TOP3B: variants seen among roughly 807,000 people sequenced by gnomAD.
TOP3B encodes DNA topoisomerase 3-beta-1.
Under a neutral mutation model 93.9 loss-of-function variants are expected in TOP3B, and 45 were observed. That is an observed-to-expected ratio of 0.48 (90% CI 0.38 to 0.61). The LOEUF (loss-of-function observed/expected upper bound fraction) is 0.61. Ranked by LOEUF, TOP3B falls within the 20% of genes least tolerant of loss-of-function variation. The probability of loss-of-function intolerance (pLI) is 0.00; values close to 1 mark genes in which losing one functional copy is unlikely to be tolerated. For synonymous variants in TOP3B, 357 were observed against 472.6 expected, an observed-to-expected ratio of 0.76 and a Z score of 3.17; for missense variants, 750 against 1,156.1, an observed-to-expected ratio of 0.65 and a Z score of 5.09.
In TOP3B at chr22:21,965,465, T is replaced by C. The variant is rs2071380784; in HGVS notation, c.853-90A>G. 4 of 704,910 alleles carry C rather than the reference T, an allele frequency of 5.7e-6. No individual in the cohort carries two copies. The African/African-American group carries it at 7.4e-5, about 13-fold the overall frequency. The allele number at this position is 704,910 out of a possible 1,614,324, so 43.7% of individuals were successfully genotyped here. ...TGTGTGGACGAAGGGTCTGGTTTCA[T>C]TCATCTGGTCTCCCTGTTTCTCCAA... On this transcript the variant is annotated intron_variant, in intron 8 of 17. Coordinates refer to ENST00000357179, the MANE Select transcript of TOP3B (RefSeq NM_001282112.2).
rs2071509309 is a variant in TOP3B, at chr22:21,968,655, G to A, written c.702C>T (p.Ser234=). ...GCACCCAGTAGGTCTCTGGTTTGAAGGACTGGATTTTATCATGTCTCTCCA... is the reference window on the plus strand; with the variant it reads ...GCACCCAGTAGGTCTCTGGTTTGAAAGACTGGATTTTATCATGTCTCTCCA... ...FCVERHDKIQ[S]FKPETYWVLQ... The change falls in exon 7 of 18, where the codon TCC becomes TCT. Residue 234 remains serine, a synonymous_variant. Coordinates refer to ENST00000357179, the MANE Select transcript of TOP3B (RefSeq NM_001282112.2). 1.9e-6 allele frequency: 3 copies of A among 1,614,086 alleles called. No homozygotes were observed. The highest frequency in any genetic ancestry group is 1.7e-5 in the Admixed American group (1 of 60,012).
At chr22:21,980,455 G>A (rs2084605681) in intron 1 of TOP3B, among the ~76,000 whole-genome samples, 2 of 152,180 alleles carry the variant, frequency 1.3e-5, no homozygotes, top group Non-Finnish European at 2.9e-5. Flanking sequence ...GTCCAAGGTC[G>A]GCCTTGGGCT....
chr22:21,975,910 G>T (rs2071850425), intron 1 of TOP3B, 103 bp from the exon 2 acceptor site: 1 of 754,758 alleles, frequency 1.3e-6, no homozygotes, highest in Non-Finnish European at 1.8e-6. Flanking sequence ...CCAACCTGAG[G>T]CAAGAAGAAG....
intron 7 of TOP3B, 33 bp from the exon 8 acceptor site, chr22:21,967,749 A>G (rs2071471329): frequency 6.4e-7 from 1 of 1,572,632 alleles, no homozygotes; most frequent in Non-Finnish European, 8.7e-7. Flanking sequence ...TGAACGCACA[A>G]GAAAAAGTCT....
At chr22:21,975,148 G>A (rs919636208) in intron 2 of TOP3B, 1 of 153,730 alleles carries the variant, frequency 6.5e-6, no homozygotes, top group Admixed American at 6.5e-5. Context: ...GGCCAGAGTT[G>A]GGGGTGAGTG....
chr22:21,959,748 C>T lies in TOP3B; in HGVS notation c.1655-12G>A. On this transcript the variant is annotated splice_polypyrimidine_tract_variant and intron_variant, in intron 14 of 17. Transcript: ENST00000357179. The stretch of plus-strand genomic sequence containing the variant: ...CACCAGCTCTGCATCTGCAAGTGGG[C>T]AGGGGGCAGATATTGCCCTGAGCAC... 1.2e-6 allele frequency: 2 copies of T among 1,610,908 alleles called. No homozygotes were observed. The highest frequency in any genetic ancestry group is 1.7e-6 in the Non-Finnish European group (2 of 1,178,924).
In TOP3B at chr22:21,971,520, A is replaced by ATGCTGGTCTTGGGTTGAT. The variant is rs1001540421; in HGVS notation, c.384+356_384+357insATCAACCCAAGACCAGCA. ...TCAGTGCTGAGGTCGGGAATCAACCAGCATCAACCCAAGGTCCCTGAGAAG... is the reference window on the plus strand; with the variant it reads ...TCAGTGCTGAGGTCGGGAATCAACCATGCTGGTCTTGGGTTGATGCATCAACCCAAGGTCCCTGAGAAG... On this transcript the variant is annotated intron_variant, in intron 5 of 17. Coordinates refer to ENST00000357179, the MANE Select transcript of TOP3B (RefSeq NM_001282112.2). This position sits in a 1 kb window ranked among gnomAD's most constrained non-coding sequence, Gnocchi z 4.6. 1 of 361,164 alleles carries ATGCTGGTCTTGGGTTGAT rather than the reference A, an allele frequency of 2.8e-6. No homozygotes were observed. The highest frequency in any genetic ancestry group is 5.4e-6 in the Non-Finnish European group (1 of 185,532). The allele number at this position is 361,164 out of a possible 1,614,324, so 22.4% of individuals were successfully genotyped here.
At chr22:21,958,809 C>T (rs1461435488) in intron 16 of TOP3B, 116 bp from the exon 17 acceptor site, 36 of 1,421,624 alleles carry the variant, frequency 2.5e-5, no homozygotes, top group Admixed American at 1.1e-4. Flanking sequence ...CTGTGACACA[C>T]TGCCAGGCAA....
chr22:21,970,869 G>T lies in TOP3B; in HGVS notation c.385-463C>A. The T allele has an allele frequency of 3.9e-6, 2 of 516,638 alleles. No individual in the cohort carries two copies. Among genetic ancestry groups the T allele is most frequent in the South Asian group, 2.9e-5 (1 of 34,144 alleles). The allele number at this position is 516,638 out of a possible 1,614,324, so 32.0% of individuals were successfully genotyped here. On this transcript the variant is annotated intron_variant, in intron 5 of 17. Transcript: ENST00000357179. The surrounding 1 kb of genome is among the most constrained non-coding windows in gnomAD (Gnocchi z 4.4). ...GAAGAAAAGACAGGGAAGGAAAAAA[G>T]AATGAAGGGGAAAGGAAATGGGCAA...
rs148850039 is a variant in TOP3B at position 21,968,745 on chromosome 22, G to A, written c.612C>T (p.Tyr204=). The change falls in exon 7 of 18, where the codon TAC becomes TAT. Residue 204 remains tyrosine, a synonymous_variant. Transcript: ENST00000357179. ...AGATGAGAGAGCTGTCTAAATCACC[G>A]TATTTCCCCTGGAAATATTTAGTCT... The part of the protein sequence containing the change: ...RFQTKYFQGK[Y]GDLDSSLISF... 1.1e-5 allele frequency: 17 copies of A among 1,614,162 alleles called. No homozygotes were observed. The highest frequency in any genetic ancestry group is 6.7e-5 in the African/African-American group (5 of 75,038).
intron 15 of TOP3B, 151 bp downstream of exon 15, chr22:21,959,436 C>T (rs1206091927): frequency 1.3e-6 from 2 of 1,500,312 alleles, no homozygotes; most frequent in East Asian, 4.6e-5. Flanking sequence ...GCTCTTTCAA[C>T]CCAGCCAGGA....
intron 17 of TOP3B, 29 bp downstream of exon 17, chr22:21,958,463 T>C (rs2071021457): frequency 1.9e-6 from 3 of 1,613,620 alleles, no homozygotes; most frequent in Non-Finnish European, 2.5e-6. Flanking sequence ...TGCAGCTACC[T>C]GTGGACAGGA....
chr22:21,981,049 A>G (rs374544785), intron 1 of TOP3B, among the ~76,000 whole-genome samples: 1 of 152,356 alleles, frequency 6.6e-6, no homozygotes. Flanking sequence ...CAGAGGCCAA[A>G]AGGGAAAACT....
Position 21,982,757 on chromosome 22 carries a change from G to A in TOP3B, c.-126C>T, listed in dbSNP as rs566068167. ...ACAGCCGCACCGCGGATCCAGCTCCGGTCCTTGTTCCCGGGGCGGCTACCG... is the reference window on the plus strand; with the variant it reads ...ACAGCCGCACCGCGGATCCAGCTCCAGTCCTTGTTCCCGGGGCGGCTACCG... On this transcript the variant is annotated 5_prime_UTR_variant, in exon 1 of 18. Transcript: ENST00000357179. The A allele has an allele frequency of 3.3e-5, 5 of 152,368 alleles. No individual in the cohort carries two copies. The highest frequency in any genetic ancestry group is 1.9e-4 in the East Asian group (1 of 5,178). The allele number at this position is 152,368 out of a possible 1,614,324, so 9.4% of individuals were successfully genotyped here. A position where few individuals can be genotyped will look rare whatever the true frequency, so the allele number is the denominator to read the frequency against.
In TOP3B at chr22:21,968,733, G is replaced by A. The variant is rs771354427; in HGVS notation, c.624C>T (p.Asp208=). ...KYFQGKYGDL[D]SSLISFGPCQ... ...ACGGCCCAAAGGAGATGAGAGAGCT[G>A]TCTAAATCACCGTATTTCCCCTGGA... The change falls in exon 7 of 18, where the codon GAC becomes GAT. Residue 208 remains aspartate (D), a synonymous_variant. Transcript: ENST00000357179. 1 of 1,614,202 alleles carries A rather than the reference G, an allele frequency of 6.2e-7. No individual in the cohort carries two copies. Among genetic ancestry groups the A allele is most frequent in the Admixed American group, 1.7e-5 (1 of 60,026 alleles).
chr22:21,958,728 C>T (rs2145825293), intron 16 of TOP3B, 35 bp from the exon 17 acceptor site: 5 of 1,560,418 alleles, frequency 3.2e-6, no homozygotes, highest in East Asian at 4.6e-5. Flanking sequence ...GTGAGGGTCA[C>T]TGGGGCCACC....
chr22:21,959,406 T>C (rs1176792763), intron 15 of TOP3B, 174 bp from the exon 16 acceptor site: 4 of 1,486,256 alleles, frequency 2.7e-6, no homozygotes, highest in African/African-American at 2.8e-5. Context: ...TTCCTGGCCA[T>C]GTGTGGTGTT....
chr22:21,975,987 A>C, intron 1 of TOP3B, 180 bp from the exon 2 acceptor site: 1 of 274,738 alleles, frequency 3.6e-6, no homozygotes, highest in Non-Finnish European at 6.6e-6. Flanking sequence ...CTACCAGGTC[A>C]GCTGAAGTGG....
At chr22:21,961,920 T>C (rs1305179899) in intron 13 of TOP3B, 1 of 259,276 alleles carries the variant, frequency 3.9e-6, no homozygotes, top group African/African-American at 2.2e-5. Context: ...GACTACACTT[T>C]TGCTTTGATA....
Sources: allele counts gnomAD v4.1 joint callset (sites outside exome capture counted in the v4.1 genomes callset), GRCh38; gene constraint gnomAD v4.1.1; non-coding constraint Gnocchi (gnomAD v3.1); transcripts MANE v1.5; gene names NCBI Gene and HGNC (gene_info 2026-07-23, HGNC 2026-07-21).